Variants in FGF12 observed in about 807,000 individuals in gnomAD.
FGF12 encodes the protein fibroblast growth factor 12, also known as fibroblast growth factor 12B.
In FGF12, 14 loss-of-function variants were observed where a neutral mutation model predicts 23.6. That is an observed-to-expected ratio of 0.59 (90% CI 0.39 to 0.93). FGF12 has a LOEUF of 0.93. Ranked by LOEUF, FGF12 falls within the 40% of genes least tolerant of loss-of-function variation. FGF12 has a pLI of 0.00. For missense variants in FGF12, 175 were observed against 217.8 expected (o/e 0.80, Z 1.24); for synonymous variants, 62 against 77.3 (o/e 0.80, Z 1.04).
intron 4 of FGF12, among the ~76,000 whole-genome samples, chr3:192,217,631 G>A (rs1386875955): frequency 6.6e-6 from 1 of 152,088 alleles, no homozygotes; most frequent in Non-Finnish European, 1.5e-5. Flanking sequence ...TTAAGCTTTA[G>A]TATTTTATTA....
chr3:192,654,429 A>T (rs1337419729), intron 2 of FGF12, among the ~76,000 whole-genome samples: 1 of 152,250 alleles, frequency 6.6e-6, no homozygotes, highest in East Asian at 1.9e-4. Context: ...AAAAAAAATA[A>T]ATAATCTCCA....
intron 3 of FGF12, among the ~76,000 whole-genome samples, chr3:192,339,391 C>T (rs1362931888): frequency 6.6e-6 from 1 of 152,172 alleles, no homozygotes; most frequent in African/African-American, 2.4e-5. Context: ...AAGTCCCTTG[C>T]ATCCTCTTAA....
At chr3:192,547,711 T>C (rs1725531647) in intron 2 of FGF12, among the ~76,000 whole-genome samples, 2 of 152,324 alleles carry the variant, frequency 1.3e-5, no homozygotes, top group African/African-American at 4.8e-5. Context: ...TAAAAATACC[T>C]GCTCTAGGTA....
chr3:192,235,666 G>A (rs1158186794), intron 4 of FGF12, among the ~76,000 whole-genome samples: 1 of 152,094 alleles, frequency 6.6e-6, no homozygotes, highest in Non-Finnish European at 1.5e-5. Context: ...GTTCATAATA[G>A]TCTCCGGGGA....
chr3:192,192,932 T>C (rs1228978517), intron 4 of FGF12, among the ~76,000 whole-genome samples: 1 of 152,172 alleles, frequency 6.6e-6, no homozygotes, highest in Admixed American at 6.5e-5. Context: ...TTAATGACAA[T>C]ATATAATCAT....
At chr3:192,713,710 C>G (rs947320519) in intron 2 of FGF12, among the ~76,000 whole-genome samples, 3 of 152,192 alleles carry the variant, frequency 2.0e-5, no homozygotes, top group Non-Finnish European at 4.4e-5. Context: ...TGAAAATCAT[C>G]TGCTGACCTT....
At chr3:192,455,164 T>C (rs1462523026) in intron 2 of FGF12, among the ~76,000 whole-genome samples, 1 of 152,126 alleles carries the variant, frequency 6.6e-6, no homozygotes, top group African/African-American at 2.4e-5. Context: ...GAAAGAAGAA[T>C]AATATGATGT....
chr3:192,411,939 A>G (rs1721212090), intron 2 of FGF12, among the ~76,000 whole-genome samples: 1 of 151,642 alleles, frequency 6.6e-6, no homozygotes, highest in East Asian at 2.0e-4. Flanking sequence ...TGCCAAATGA[A>G]TGAATAAAAT....
intron 3 of FGF12, among the ~76,000 whole-genome samples, chr3:192,357,584 A>C (rs1171369775): frequency 1.3e-5 from 2 of 152,130 alleles, no homozygotes; most frequent in Non-Finnish European, 2.9e-5. Context: ...AAAAAAAAAA[A>C]CAAACAACTT....
chr3:192,546,246 A>AG (rs1213310298), intron 2 of FGF12, among the ~76,000 whole-genome samples: 1 of 152,152 alleles, frequency 6.6e-6, no homozygotes, highest in Non-Finnish European at 1.5e-5. Flanking sequence ...GTATTGTAAG[A>AG]AGTCTATGAG....
At chr3:192,565,174 G>T (rs1325533589) in intron 2 of FGF12, among the ~76,000 whole-genome samples, 3 of 152,200 alleles carry the variant, frequency 2.0e-5, no homozygotes, top group African/African-American at 7.2e-5. Context: ...TATAATGAGA[G>T]TTCCAAGAAA....
intron 5 of FGF12, among the ~76,000 whole-genome samples, chr3:192,167,736 TA>T (rs1715254947): frequency 5.5e-5 from 1 of 18,070 alleles, no homozygotes; most frequent in Non-Finnish European, 1.0e-4. Context: ...TATAGGTATA[TA>T]TATATATATA....
At chr3:192,165,998 A>C (rs528542603) in intron 5 of FGF12, among the ~76,000 whole-genome samples, 20 of 152,344 alleles carry the variant, frequency 1.3e-4, no homozygotes, top group African/African-American at 4.8e-4. Context: ...CCTGGCTAGC[A>C]AATAGTAAAT....
intron 5 of FGF12, among the ~76,000 whole-genome samples, chr3:192,154,289 C>G (rs1024149538): frequency 6.8e-5 from 8 of 117,352 alleles, no homozygotes; most frequent in African/African-American, 2.6e-4. Context: ...GTAATTTGAT[C>G]GTCTGAAGCC....
At chr3:192,549,655 G>A (rs1190254014) in intron 2 of FGF12, among the ~76,000 whole-genome samples, 1 of 152,170 alleles carries the variant, frequency 6.6e-6, no homozygotes, top group African/African-American at 2.4e-5. Context: ...TCAGTAGATA[G>A]AGTAAAACAG....
intron 4 of FGF12, among the ~76,000 whole-genome samples, chr3:192,275,243 T>A (rs1471472274): frequency 3.3e-5 from 5 of 152,162 alleles, no homozygotes; most frequent in African/African-American, 1.2e-4. Flanking sequence ...CTAAGTTGTT[T>A]ATTTGACCTT....
chr3:192,301,661 A>G (rs1453638446), intron 4 of FGF12, among the ~76,000 whole-genome samples: 1 of 152,172 alleles, frequency 6.6e-6, no homozygotes, highest in Non-Finnish European at 1.5e-5. Flanking sequence ...ATGAGCACAA[A>G]TTGGCCAGGC....
intron 2 of FGF12, among the ~76,000 whole-genome samples, chr3:192,472,171 C>T (rs1362064994): frequency 6.6e-6 from 1 of 152,042 alleles, no homozygotes; most frequent in Non-Finnish European, 1.5e-5. Context: ...CGCCTGCCAC[C>T]ACGCCCGGCT....
chr3:192,582,597 C>T (rs1577065266), intron 2 of FGF12, among the ~76,000 whole-genome samples: 1 of 151,590 alleles, frequency 6.6e-6, no homozygotes, highest in African/African-American at 2.4e-5. Flanking sequence ...GCTAAACTGA[C>T]TTGAATAGCT....
Sources: allele counts gnomAD v4.1 joint callset (sites outside exome capture counted in the v4.1 genomes callset), GRCh38; gene constraint gnomAD v4.1.1; transcripts MANE v1.5; gene names NCBI Gene and HGNC (gene_info 2026-07-23, HGNC 2026-07-21).